PIBF1: variants seen among roughly 807,000 people sequenced by gnomAD.
The protein encoded by PIBF1 is progesterone-induced-blocking factor 1.
In PIBF1, 90 loss-of-function variants were observed where a neutral mutation model predicts 112.5. That is an observed-to-expected ratio of 0.80 (90% CI 0.67 to 0.95). The LOEUF (loss-of-function observed/expected upper bound fraction) is 0.95, where lower values mean the gene tolerates loss of function less well. Among genes scored for constraint, PIBF1 ranks in the 40% least tolerant of loss-of-function variants. The pLI is 0.00. For synonymous variants in PIBF1, 301 were observed against 288.6 expected (o/e 1.04, Z -0.44); for missense variants, 915 against 852.3 (o/e 1.07, Z -0.92).
chr13:72,791,037 T>TTTTGTTTGTTTGTTTG (rs141805152), intron 2 of PIBF1, among the ~76,000 whole-genome samples: 3 of 149,724 alleles, frequency 2.0e-5, no homozygotes, highest in African/African-American at 5.0e-5. Flanking sequence ...ATTCATGTAT[T>TTTTGTTTGTTTGTTTG]TTTGTTTGTT....
Position 72,827,790 on chromosome 13 carries a change from C to T in PIBF1, c.973C>T (p.Arg325Cys), listed in dbSNP as rs181113665. The part of the protein sequence containing the change: ...LLQKDKEYLN[R>C]QNMELSVRCA... ...GCAAAAGGATAAAGAATATCTTAAT[C>T]GCCAAAACATGGAGCTTAGTGTTCG... The change falls in exon 8 of 18, where the codon CGC (arginine) becomes TGC (cysteine). Residue 325 changes from arginine (R) to cysteine (C), a missense_variant. Arg to Cys is a radical substitution (Grantham distance 180). Coordinates refer to ENST00000326291, the MANE Select transcript of PIBF1 (RefSeq NM_006346.4). 1.4e-5 allele frequency: 22 copies of T among 1,601,002 alleles called. No individual in the cohort carries two copies. Among genetic ancestry groups the T allele is most frequent in the South Asian group, 2.3e-5 (2 of 87,744 alleles).
intron 9 of PIBF1, among the ~76,000 whole-genome samples, chr13:72,842,396 A>G (rs2037654479): frequency 6.6e-6 from 1 of 152,186 alleles, no homozygotes; most frequent in South Asian, 2.1e-4. Flanking sequence ...AAAGAGATTG[A>G]AAAGATGCTT....
rs1482051533 is a variant in PIBF1, at chr13:72,921,231, TAG to T, written c.1730+4066_1730+4067del. 3.3e-5 allele frequency among the ~76,000 whole-genome samples: 5 copies of T among 152,068 alleles called. No homozygotes were observed. The East Asian group carries it at 9.7e-4, about 29-fold the overall frequency. ...AATTCTCCTGCCTCAGCCTCCCAAG[TAG>T]CTGGGACTACAGGTGCATGCCACCA... On this transcript the variant is annotated intron_variant, in intron 13 of 17. Coordinates refer to ENST00000326291, the MANE Select transcript of PIBF1 (RefSeq NM_006346.4).
At chr13:72,887,465 A>G (rs1012674668) in intron 10 of PIBF1, among the ~76,000 whole-genome samples, 11 of 151,844 alleles carry the variant, frequency 7.2e-5, no homozygotes, top group Admixed American at 1.3e-4. Context: ...AGATCTTTCA[A>G]ATATTTTCAG....
At chr13:72,831,399 T>C (rs936012831) in intron 8 of PIBF1, among the ~76,000 whole-genome samples, 1 of 152,222 alleles carries the variant, frequency 6.6e-6, no homozygotes, top group Non-Finnish European at 1.5e-5. Flanking sequence ...CTTGTGGGCA[T>C]TTAGTGCTAT....
chr13:72,892,308 A>C (rs2040089224), intron 10 of PIBF1, among the ~76,000 whole-genome samples: 1 of 152,132 alleles, frequency 6.6e-6, no homozygotes, highest in Admixed American at 6.5e-5. Flanking sequence ...ACTGACATTC[A>C]CTTTAAAACT....
intron 14 of PIBF1, among the ~76,000 whole-genome samples, chr13:72,964,323 C>T (rs780642650): frequency 6.6e-6 from 1 of 151,882 alleles, no homozygotes; most frequent in African/African-American, 2.4e-5. Flanking sequence ...GTTTCTAGGG[C>T]CAGGAGGGAG....
chr13:72,859,310 G>A (rs1320957186), intron 10 of PIBF1, among the ~76,000 whole-genome samples: 1 of 152,110 alleles, frequency 6.6e-6, no homozygotes, highest in Non-Finnish European at 1.5e-5. Flanking sequence ...TAGGGAACAA[G>A]GGATTTGATA....
At position 72,930,562 on chromosome 13, in the gene PIBF1, T is replaced by A. The variant is rs141222767; in HGVS notation, c.1731-603T>A. Among the ~76,000 whole-genome samples, 554 of 152,290 alleles carry A rather than the reference T, an allele frequency of 3.6e-3. 4 individuals are homozygous for A. The highest frequency in any genetic ancestry group is 0.013 in the African/African-American group (527 of 41,574). ...CATATGTAATTTTAAATACTAAAGG[T>A]CAGTGCAATAAGTTATGGTAATGCA... On this transcript the variant is annotated intron_variant, in intron 13 of 17. Coordinates refer to ENST00000326291, the MANE Select transcript of PIBF1 (RefSeq NM_006346.4).
chr13:72,869,959 A>G (rs1444418549), intron 10 of PIBF1, among the ~76,000 whole-genome samples: 1 of 152,164 alleles, frequency 6.6e-6, no homozygotes, highest in African/African-American at 2.4e-5. Flanking sequence ...TGAAAAAGTT[A>G]TCTTTTTTCT....
chr13:72,849,838 CT>C (rs1594046435), intron 9 of PIBF1, among the ~76,000 whole-genome samples: 1 of 152,198 alleles, frequency 6.6e-6, no homozygotes, highest in East Asian at 1.9e-4. Context: ...TAAGCTAATA[CT>C]TAACCTCTTT....
intron 14 of PIBF1, 72 bp from the exon 15 acceptor site, chr13:72,965,202 G>A (rs17284035): frequency 0.03 from 38,394 of 1,299,956 alleles, 690 homozygotes; most frequent in Non-Finnish European, 0.035. Context: ...CTATATTTGT[G>A]CTAGAGCATT....
At chr13:73,010,286 C>T (rs2044156162) in intron 17 of PIBF1, among the ~76,000 whole-genome samples, 1 of 148,454 alleles carries the variant, frequency 6.7e-6, no homozygotes, top group Middle Eastern at 3.4e-3. Context: ...GTTCATTACC[C>T]GTGGGTTGGG....
chr13:72,856,685 T>C (rs1247140884), intron 10 of PIBF1, among the ~76,000 whole-genome samples: 1 of 152,190 alleles, frequency 6.6e-6, no homozygotes, highest in Admixed American at 6.5e-5. Flanking sequence ...CTTATCTGTT[T>C]TTTAAGATAT....
In PIBF1 at chr13:72,783,440, A is replaced by C. The variant is rs1432915825; in HGVS notation, c.-30A>C. 2 of 1,434,586 alleles carry C rather than the reference A, an allele frequency of 1.4e-6. No individual in the cohort carries two copies. The highest frequency in any genetic ancestry group is 1.9e-6 in the Non-Finnish European group (2 of 1,039,610). The allele number at this position is 1,434,586 out of a possible 1,614,324, so 88.9% of individuals were successfully genotyped here. ...ACCTACAGAATATTAAAATCAAATTAGAGAAGAAAACTGATCCATAATAAT... is the reference window on the plus strand; with the variant it reads ...ACCTACAGAATATTAAAATCAAATTCGAGAAGAAAACTGATCCATAATAAT... On this transcript the variant is annotated 5_prime_UTR_variant, in exon 2 of 18. Transcript: ENST00000326291.
At chr13:72,790,640 AAGTCAAAGGGGT>A (rs2034876356) in intron 2 of PIBF1, among the ~76,000 whole-genome samples, 1 of 152,132 alleles carries the variant, frequency 6.6e-6, no homozygotes, top group African/African-American at 2.4e-5. Flanking sequence ...GCTATAAAGT[AAGTCAAAGGGGT>A]AGTCCAGCTG....
intron 12 of PIBF1, among the ~76,000 whole-genome samples, chr13:72,911,031 A>G (rs546379460): frequency 2.4e-4 from 36 of 152,238 alleles, no homozygotes; most frequent in Middle Eastern, 6.8e-3. Flanking sequence ...AAAAAGTTGA[A>G]GCCCTGTGTG....
chr13:72,958,279 C>T (rs1281899377), intron 14 of PIBF1, among the ~76,000 whole-genome samples: 2 of 134,486 alleles, frequency 1.5e-5, no homozygotes, highest in Non-Finnish European at 3.2e-5. Context: ...CACTGCACTC[C>T]AACCTGGATG....
chr13:72,987,858 A>ATTTTTATTT (rs2043349421), intron 16 of PIBF1, among the ~76,000 whole-genome samples: 1 of 58,136 alleles, frequency 1.7e-5, no homozygotes, highest in African/African-American at 9.3e-5. Flanking sequence ...TTATTTATTT[A>ATTTTTATTT]TTTTTTTTTT....
Sources: gnomAD v4.1 joint callset for allele counts (sites outside exome capture counted in the v4.1 genomes callset) on GRCh38, gnomAD v4.1.1 for gene constraint, MANE v1.5 for transcripts, NCBI Gene and HGNC (gene_info 2026-07-23, HGNC 2026-07-21) for gene names.